The following MEF2D variants were observed in gnomAD, a reference collection of about 807,000 sequenced individuals.
MEF2D encodes the protein myocyte enhancer factor 2D, also known as myocyte-specific enhancer factor 2D.
In MEF2D, 10 loss-of-function variants were observed where a neutral mutation model predicts 59.3. The observed-to-expected ratio is 0.17, with a 90% confidence interval of 0.10 to 0.29. The LOEUF (loss-of-function observed/expected upper bound fraction) is 0.29. Ranked by LOEUF, MEF2D falls within the 10% of genes least tolerant of loss-of-function variation. The pLI is 1.00. For synonymous variants in MEF2D, 305 were observed against 295.0 expected (o/e 1.03, Z -0.35); for missense variants, 508 against 699.4 (o/e 0.73, Z 3.09).
chr1:156,467,237 C>T lies in MEF2D; in HGVS notation c.*408G>A, dbSNP rs1373032246. 30 of 150,404 alleles carry T rather than the reference C, an allele frequency of 2.0e-4. No individual in the cohort carries two copies. The Admixed American group carries it at 2.0e-3, about 10-fold the overall frequency. 9.3% of individuals were successfully genotyped at this position (150,404 alleles called of 1,614,324 possible). A position where few individuals can be genotyped will look rare whatever the true frequency, so the allele number is the denominator to read the frequency against. On this transcript the variant is annotated 3_prime_UTR_variant, in exon 12 of 12. Coordinates refer to ENST00000348159, the MANE Select transcript of MEF2D (RefSeq NM_005920.4). ...TTGTTTGGTAGTTTTTTGGTTATTT[C>T]CCTCTATCTGGGGGTGGGGTGGGAG...
rs764878105 is a variant in MEF2D at position 156,468,192 on chromosome 1, G to A, written c.1355C>T (p.Ala452Val). The A allele has an allele frequency of 9.9e-6, 16 of 1,613,510 alleles. No individual in the cohort carries two copies. Among genetic ancestry groups the A allele is most frequent in the Admixed American group, 3.3e-5 (2 of 59,968 alleles). ...TGGGAACACAGCTGGAGGGGGAGGCGCAGGGCTGCGCTCACGGCTTGGGGA... is the reference window on the plus strand; with the variant it reads ...TGGGAACACAGCTGGAGGGGGAGGCACAGGGCTGCGCTCACGGCTTGGGGA... Reference protein sequence around the residue: ...PVSPSRERSPAPPPPAVFPAA... With the variant: ...PVSPSRERSPVPPPPAVFPAA... The change falls in exon 11 of 12, where the codon GCG (alanine) becomes GTG (valine). Residue 452 changes from alanine (A) to valine (V), a missense_variant. Ala to Val is a moderately conservative substitution (Grantham distance 64). Around this residue, in one of 2 missense-constraint regions of MEF2D, gnomAD observed 481 missense variants for 584.7 expected, o/e 0.82. Coordinates refer to ENST00000348159, the MANE Select transcript of MEF2D (RefSeq NM_005920.4). This position sits in a 1 kb window ranked among gnomAD's most constrained non-coding sequence, Gnocchi z 4.3.
At position 156,467,644 on chromosome 1, in the gene MEF2D, G is replaced by A. The variant is rs768342831; in HGVS notation, c.*1C>T. On this transcript the variant is annotated 3_prime_UTR_variant, in exon 12 of 12. Coordinates refer to ENST00000348159, the MANE Select transcript of MEF2D (RefSeq NM_005920.4). ...GGCTGAGAGGAGGGGAGTGGGAATC[G>A]TCACTTTAATGTCTGTGAAGAGAGG... is the stretch of plus-strand genomic sequence containing the variant. 5.3e-6 allele frequency: 7 copies of A among 1,321,020 alleles called. No homozygotes were observed. The highest frequency in any genetic ancestry group is 6.0e-5 in the Admixed American group (2 of 33,454). The allele number at this position is 1,321,020 out of a possible 1,614,324, so 81.8% of individuals were successfully genotyped here. A position where few individuals can be genotyped will look rare whatever the true frequency, so the allele number is the denominator to read the frequency against.
At chr1:156,493,433 G>A (rs565575889) in intron 1 of MEF2D, among the ~76,000 whole-genome samples, 3 of 152,322 alleles carry the variant, frequency 2.0e-5, no homozygotes, top group East Asian at 1.9e-4. Context: ...CCTGGCAGCG[G>A]AGGGAGGGCG....
intron 1 of MEF2D, among the ~76,000 whole-genome samples, chr1:156,492,767 T>C (rs1672887947): frequency 6.6e-6 from 1 of 152,144 alleles, no homozygotes; most frequent in Non-Finnish European, 1.5e-5. Flanking sequence ...AACTTCCCTC[T>C]GGGGTCTCAG....
At chr1:156,479,864 G>C in intron 4 of MEF2D, 68 bp from the exon 5 acceptor site, 2 of 1,452,940 alleles carry the variant, frequency 1.4e-6, no homozygotes, top group Non-Finnish European at 9.4e-7. Flanking sequence ...ACTTTTCCTG[G>C]GAGGGCAGGC....
At chr1:156,500,372 T>G (rs1673421971) in intron 1 of MEF2D, 114 bp downstream of exon 1, 1 of 152,656 alleles carries the variant, frequency 6.6e-6, no homozygotes, top group African/African-American at 2.4e-5. Flanking sequence ...GCCCGGGGGC[T>G]GCCCCATCCC....
At chr1:156,488,494 G>A (rs1157189407) in intron 1 of MEF2D, among the ~76,000 whole-genome samples, 1 of 151,838 alleles carries the variant, frequency 6.6e-6, no homozygotes, top group African/African-American at 2.4e-5. Flanking sequence ...GAGCTGAGGG[G>A]ACCAGGGGGA....
At chr1:156,490,261 C>T (rs1015939341) in intron 1 of MEF2D, among the ~76,000 whole-genome samples, 7 of 152,096 alleles carry the variant, frequency 4.6e-5, no homozygotes, top group African/African-American at 1.7e-4. Flanking sequence ...TCCGTTCCCT[C>T]TGCCCCCTCT....
intron 3 of MEF2D, among the ~76,000 whole-genome samples, chr1:156,481,873 C>T (rs1672040177): frequency 6.6e-6 from 1 of 152,374 alleles, no homozygotes; most frequent in South Asian, 2.1e-4. Context: ...GGCACCAAGG[C>T]TCGGGAAAGC....
chr1:156,491,656 G>A (rs1027604575), intron 1 of MEF2D, among the ~76,000 whole-genome samples: 1 of 152,186 alleles, frequency 6.6e-6, no homozygotes, highest in African/African-American at 2.4e-5. Flanking sequence ...ACCTGCTTGT[G>A]GTTACTGAGC....
chr1:156,481,389 G>A (rs1423131244), intron 3 of MEF2D, among the ~76,000 whole-genome samples: 1 of 152,090 alleles, frequency 6.6e-6, no homozygotes, highest in Non-Finnish European at 1.5e-5. Context: ...GGGGGAGGTA[G>A]GCAGGGGGGC....
chr1:156,493,258 G>A (rs1672921367), intron 1 of MEF2D, among the ~76,000 whole-genome samples: 1 of 152,134 alleles, frequency 6.6e-6, no homozygotes, highest in South Asian at 2.1e-4. Flanking sequence ...AAACATGAAG[G>A]GTTCACCTAC....
chr1:156,472,411 C>T (rs1000307666), intron 9 of MEF2D, among the ~76,000 whole-genome samples: 2 of 152,228 alleles, frequency 1.3e-5, no homozygotes, highest in African/African-American at 2.4e-5. Context: ...GGAGAAGGGG[C>T]TCAAAGACAC....
In MEF2D at chr1:156,483,229, A is replaced by G. The variant is rs535205865; in HGVS notation, c.54+10T>C. ...CTCACCCACTTCGTACGGCTCTAGG[A>G]CTTCCCTACCTGTCGGTTCCGCTCG... On this transcript the variant is annotated intron_variant, in intron 2 of 11. Coordinates refer to ENST00000348159, the MANE Select transcript of MEF2D (RefSeq NM_005920.4). 6 of 1,613,796 alleles carry G rather than the reference A, an allele frequency of 3.7e-6. No homozygotes were observed. The African/African-American group carries it at 8.0e-5, about 22-fold the overall frequency.
At chr1:156,487,126 G>A (rs1280435316) in intron 1 of MEF2D, among the ~76,000 whole-genome samples, 1 of 152,198 alleles carries the variant, frequency 6.6e-6, no homozygotes, top group Non-Finnish European at 1.5e-5. Flanking sequence ...GGGTTGCTTA[G>A]GCAACTGTCG....
rs907329260 is a variant in MEF2D at position 156,479,744 on chromosome 1, T to C, written c.449A>G (p.Asn150Ser). ...FAMPVTVPVSNQSSLQFSNPS... is the reference protein window; with the variant it reads ...FAMPVTVPVSSQSSLQFSNPS... ...ATTGCTGAACTGCAGTGAGCTCTGA[T>C]TGGACACGGGCACCGTGACAGGCAT... The change falls in exon 5 of 12, where the codon AAT (asparagine) becomes AGT (serine). Residue 150 changes from asparagine (N) to serine (S), a missense_variant. Physicochemically the swap from Asn to Ser is conservative, Grantham distance 46 (BLOSUM62 1). Coordinates refer to ENST00000348159, the MANE Select transcript of MEF2D (RefSeq NM_005920.4). 6.4e-7 allele frequency: 1 copy of C among 1,551,640 alleles called. No individual in the cohort carries two copies. The highest frequency in any genetic ancestry group is 8.7e-7 in the Non-Finnish European group (1 of 1,146,956).
chr1:156,473,671 G>A (rs1028102218), intron 9 of MEF2D, among the ~76,000 whole-genome samples: 7 of 152,210 alleles, frequency 4.6e-5, no homozygotes, highest in African/African-American at 1.7e-4. Context: ...GTGGGTGGGT[G>A]ACACAGGCCA....
intron 1 of MEF2D, among the ~76,000 whole-genome samples, chr1:156,487,211 G>C (rs185372469): frequency 1.1e-4 from 16 of 152,356 alleles, no homozygotes; most frequent in Admixed American, 7.8e-4. Context: ...GAGCTGGGAC[G>C]AGAGAGGGAT....
rs997876352 is a variant in MEF2D at position 156,482,347 on chromosome 1, T to C, written c.258+90A>G. 182 of 1,346,810 alleles carry C rather than the reference T, an allele frequency of 1.4e-4. 3 individuals carry two copies. The South Asian group carries it at 1.7e-3, about 13-fold the overall frequency. The allele number at this position is 1,346,810 out of a possible 1,614,324, so 83.4% of individuals were successfully genotyped here. A position where few individuals can be genotyped will look rare whatever the true frequency, so the allele number is the denominator to read the frequency against. On this transcript the variant is annotated intron_variant, in intron 3 of 11. Transcript: ENST00000348159. ...GGGCATGTATACCAGTGTGTGTGCA[T>C]AGGCAGGTCTGCGTGTACATGCAAC...
Sources: gnomAD v4.1 joint callset for allele counts (sites outside exome capture counted in the v4.1 genomes callset) on GRCh38, gnomAD v4.1.1 for gene constraint, gnomAD v4.1.1 regional missense constraint, Gnocchi (gnomAD v3.1) non-coding constraint, MANE v1.5 for transcripts, NCBI Gene and HGNC (gene_info 2026-07-23, HGNC 2026-07-21) for gene names.